Variants in RALYL observed in about 807,000 individuals in gnomAD.
The protein encoded by RALYL is RNA-binding Raly-like protein.
A neutral mutation model predicts 35.1 loss-of-function variants in RALYL; 29 were observed. The observed-to-expected ratio is 0.83, with a 90% confidence interval of 0.61 to 1.13. The LOEUF (loss-of-function observed/expected upper bound fraction) is 1.13, where lower values mean the gene tolerates loss of function less well. Among genes scored for constraint, RALYL ranks in the 50% most tolerant of loss-of-function variants. The pLI, the probability that RALYL is intolerant of heterozygous loss-of-function variation, is 0.00. For missense variants in RALYL, 359 were observed against 360.4 expected (o/e 1.00, Z 0.03); for synonymous variants, 120 against 127.6 (o/e 0.94, Z 0.40).
chr8:84,253,190 T>G (rs1458295469), intron 1 of RALYL, among the ~76,000 whole-genome samples: 4 of 126,112 alleles, frequency 3.2e-5, no homozygotes, highest in Non-Finnish European at 5.0e-5. Context: ...TTTTTTTTTT[T>G]TTTTTTTTTT....
intron 2 of RALYL, among the ~76,000 whole-genome samples, chr8:84,754,570 C>T (rs1810923646): frequency 6.6e-6 from 1 of 152,192 alleles, no homozygotes; most frequent in Non-Finnish European, 1.5e-5. Flanking sequence ...TTGAAATCCT[C>T]ATACTTGAAG....
At chr8:84,912,754 A>G (rs1459506610) in intron 8 of RALYL, among the ~76,000 whole-genome samples, 2 of 151,998 alleles carry the variant, frequency 1.3e-5, no homozygotes, top group African/African-American at 4.8e-5. Flanking sequence ...CCTTCACACA[A>G]GGGGAATCAA....
intron 1 of RALYL, among the ~76,000 whole-genome samples, chr8:84,469,021 T>C (rs918698848): frequency 3.9e-5 from 6 of 151,900 alleles, no homozygotes; most frequent in African/African-American, 1.5e-4. Context: ...TTCTCTGTAT[T>C]GGTTATTCTA....
chr8:84,479,085 CAAAAAAAAAAAAAAAAAAAAAAA>C (rs56799862), intron 1 of RALYL, among the ~76,000 whole-genome samples: 5 of 21,824 alleles, frequency 2.3e-4, no homozygotes, highest in African/African-American at 4.2e-4. Flanking sequence ...GACTCCGTCT[CAAAAAAAAAAAAAAAAAAAAAAA>C]AAAAAAAAAA....
intron 8 of RALYL, among the ~76,000 whole-genome samples, chr8:84,890,274 T>G (rs1324204089): frequency 6.6e-6 from 1 of 152,112 alleles, no homozygotes; most frequent in Non-Finnish European, 1.5e-5. Context: ...GTGACTGTGA[T>G]TAGTCTAAGG....
intron 1 of RALYL, chr8:84,184,985 T>C: frequency 1.2e-6 from 2 of 1,613,858 alleles, no homozygotes; most frequent in Non-Finnish European, 1.7e-6. Context: ...CAACTCCTGC[T>C]CCTCCTCTTC....
In RALYL at chr8:84,631,603, G is replaced by T. The variant is rs967975537; in HGVS notation, c.256+102026G>T. On this transcript the variant is annotated intron_variant, in intron 2 of 8. Coordinates refer to ENST00000521268, the MANE Select transcript of RALYL (RefSeq NM_173848.7). ...GAAGGTAAACAGGGTCAAAAAGACAGTTTTTTTTTTGATATGAAGATCTGT... is the reference window on the plus strand; with the variant it reads ...GAAGGTAAACAGGGTCAAAAAGACATTTTTTTTTTTGATATGAAGATCTGT... Among the ~76,000 whole-genome samples the T allele has an allele frequency of 4.0e-5, 6 of 148,800 alleles. No individual in the cohort carries two copies. The East Asian group carries it at 1.2e-3, about 29-fold the overall frequency.
intron 1 of RALYL, among the ~76,000 whole-genome samples, chr8:84,304,317 C>A (rs1841389751): frequency 6.6e-6 from 1 of 152,090 alleles, no homozygotes; most frequent in South Asian, 2.1e-4. Context: ...TGAGGTTTCA[C>A]CGTGTTAGTC....
At chr8:84,231,340 G>T (rs985964959) in intron 1 of RALYL, among the ~76,000 whole-genome samples, 32 of 152,150 alleles carry the variant, frequency 2.1e-4, no homozygotes, top group African/African-American at 7.7e-4. Flanking sequence ...TACAGCTAGA[G>T]AAAAAGGCAC....
At chr8:84,280,182 A>G (rs1158829489) in intron 1 of RALYL, among the ~76,000 whole-genome samples, 6 of 152,188 alleles carry the variant, frequency 3.9e-5, no homozygotes, top group Admixed American at 3.3e-4. Flanking sequence ...TACCATTAAA[A>G]TCATGTCTCA....
chr8:84,808,711 G>A (rs543018720), intron 4 of RALYL, among the ~76,000 whole-genome samples: 39 of 152,140 alleles, frequency 2.6e-4, no homozygotes, highest in African/African-American at 8.9e-4. Context: ...CCTTGTAGAG[G>A]TCTTTTGACT....
At chr8:84,553,109 T>C (rs962456039) in intron 2 of RALYL, among the ~76,000 whole-genome samples, 2 of 146,718 alleles carry the variant, frequency 1.4e-5, no homozygotes, top group African/African-American at 2.8e-5. Flanking sequence ...TAAAAACAAA[T>C]CTTAATCTTA....
At chr8:84,311,499 T>C (rs1842806990) in intron 1 of RALYL, among the ~76,000 whole-genome samples, 1 of 152,158 alleles carries the variant, frequency 6.6e-6, no homozygotes, top group Non-Finnish European at 1.5e-5. Context: ...TTTTTTACTA[T>C]GGTAGCAAAA....
At chr8:84,289,016 T>TAA (rs1257218325) in intron 1 of RALYL, among the ~76,000 whole-genome samples, 1 of 152,164 alleles carries the variant, frequency 6.6e-6, no homozygotes, top group Non-Finnish European at 1.5e-5. Context: ...GGAAGACTTT[T>TAA]AAGCGCTGGG....
chr8:84,887,828 G>A (rs1843170579), intron 8 of RALYL, 52 bp downstream of exon 8: 1 of 1,445,900 alleles, frequency 6.9e-7, no homozygotes. Context: ...ACACTAGCAT[G>A]TTAGCAACTC....
At chr8:84,235,477 T>A (rs1826305823) in intron 1 of RALYL, among the ~76,000 whole-genome samples, 1 of 152,214 alleles carries the variant, frequency 6.6e-6, no homozygotes, top group Admixed American at 6.5e-5. Context: ...AAACCATTTC[T>A]TGTTGCTGTA....
At chr8:84,230,319 A>G (rs1825019608) in intron 1 of RALYL, among the ~76,000 whole-genome samples, 1 of 152,096 alleles carries the variant, frequency 6.6e-6, no homozygotes, top group Non-Finnish European at 1.5e-5. Flanking sequence ...GAGAGTTGCA[A>G]CCAACCCTAA....
At chr8:84,654,943 T>C (rs186830307) in intron 2 of RALYL, among the ~76,000 whole-genome samples, 22 of 152,254 alleles carry the variant, frequency 1.4e-4, no homozygotes, top group African/African-American at 5.3e-4. Flanking sequence ...TTTGGGTATA[T>C]ATACCTAGCG....
chr8:84,353,365 C>G (rs542934541), intron 1 of RALYL, among the ~76,000 whole-genome samples: 1 of 150,332 alleles, frequency 6.7e-6, no homozygotes, highest in South Asian at 2.1e-4. Context: ...CCCCGTGGTA[C>G]AGAAAGTGTT....
Sources: gnomAD v4.1 joint callset for allele counts (sites outside exome capture counted in the v4.1 genomes callset) on GRCh38, gnomAD v4.1.1 for gene constraint, MANE v1.5 for transcripts, NCBI Gene and HGNC (gene_info 2026-07-23, HGNC 2026-07-21) for gene names.